TMC3: variants seen among roughly 807,000 people sequenced by gnomAD.
TMC3 encodes transmembrane channel like 3, also known as transmembrane channel-like protein 3.
A neutral mutation model predicts 110.6 loss-of-function variants in TMC3; 98 were observed. That is an observed-to-expected ratio of 0.89 (90% CI 0.75 to 1.05). The LOEUF (loss-of-function observed/expected upper bound fraction) is 1.05. Ranked by LOEUF, TMC3 falls within the 50% of genes least tolerant of loss-of-function variation. The probability of loss-of-function intolerance (pLI) is 0.00; values close to 1 mark genes in which losing one functional copy is unlikely to be tolerated. For missense variants in TMC3, 1,319 were observed against 1,373.2 expected, an observed-to-expected ratio of 0.96 and a Z score of 0.62; for synonymous variants, 489 against 513.1, an observed-to-expected ratio of 0.95 and a Z score of 0.63.
chr15:81,354,806 C>T (rs879795682), intron 9 of TMC3, among the ~76,000 whole-genome samples: 7 of 151,994 alleles, frequency 4.6e-5, no homozygotes, highest in African/African-American at 1.7e-4. Flanking sequence ...GGAAACATTC[C>T]CAAATGAGAA....
In TMC3 at chr15:81,374,134, G is replaced by T; in HGVS notation, c.-57C>A. ...TGGCCAGAGAGCTAGGAAGTTGGCAGGCAAAGGTCTGTTCCGAGGTTTCTG... is the reference window on the plus strand; with the variant it reads ...TGGCCAGAGAGCTAGGAAGTTGGCATGCAAAGGTCTGTTCCGAGGTTTCTG... On this transcript the variant is annotated 5_prime_UTR_variant, in exon 1 of 22. The change creates a new upstream start codon in the 5' untranslated region. Coordinates refer to ENST00000359440, the MANE Select transcript of TMC3 (RefSeq NM_001080532.3). 1.3e-6 allele frequency: 2 copies of T among 1,513,620 alleles called. No individual in the cohort carries two copies. Among genetic ancestry groups the T allele is most frequent in the Admixed American group, 3.5e-5 (2 of 57,254 alleles). 93.8% of individuals were successfully genotyped at this position (1,513,620 alleles called of 1,614,324 possible).
intron 9 of TMC3, among the ~76,000 whole-genome samples, chr15:81,353,581 C>A (rs973396310): frequency 6.6e-6 from 1 of 152,188 alleles, no homozygotes; most frequent in Non-Finnish European, 1.5e-5. Context: ...CATTGTGTTA[C>A]AATTGCCTAC....
chr15:81,343,887 C>A (rs1441909556), intron 14 of TMC3, 30 bp downstream of exon 14: 1 of 1,602,854 alleles, frequency 6.2e-7, no homozygotes, highest in African/African-American at 1.3e-5. Flanking sequence ...GCCATATAAA[C>A]TTTCCCAACA....
chr15:81,342,380 T>C (rs961744362), intron 15 of TMC3, among the ~76,000 whole-genome samples: 10 of 152,232 alleles, frequency 6.6e-5, no homozygotes, highest in African/African-American at 2.4e-4. Flanking sequence ...ACTAAGCTTC[T>C]CTGCACTTCA....
intron 2 of TMC3, among the ~76,000 whole-genome samples, chr15:81,370,278 G>A (rs571058203): frequency 1.1e-4 from 17 of 152,330 alleles, no homozygotes; most frequent in Non-Finnish European, 2.2e-4. Flanking sequence ...TCAGGGTTCC[G>A]TGCTTTTTGC....
At chr15:81,364,935 C>A (rs1894276987) in intron 3 of TMC3, among the ~76,000 whole-genome samples, 1 of 150,476 alleles carries the variant, frequency 6.6e-6, no homozygotes, top group South Asian at 2.1e-4. Context: ...CTGCCATAAA[C>A]CAGGGGCCTA....
At chr15:81,337,609 G>A (rs937725481) in intron 19 of TMC3, 6 of 586,206 alleles carry the variant, frequency 1.0e-5, no homozygotes, top group African/African-American at 3.7e-5. Flanking sequence ...CAGCTGCAAG[G>A]CCTCTTGAGG....
intron 9 of TMC3, among the ~76,000 whole-genome samples, chr15:81,354,967 T>C (rs1461316715): frequency 6.6e-6 from 1 of 152,048 alleles, no homozygotes; most frequent in African/African-American, 2.4e-5. Flanking sequence ...TTCATGAAGT[T>C]CAGGAGCATT....
chr15:81,359,834 T>C (rs1037130666), intron 4 of TMC3, among the ~76,000 whole-genome samples: 2 of 152,244 alleles, frequency 1.3e-5, no homozygotes, highest in Non-Finnish European at 2.9e-5. Flanking sequence ...TTGCACCATT[T>C]TGAGAATTTC....
chr15:81,356,988 G>A (rs759131029), intron 7 of TMC3, among the ~76,000 whole-genome samples: 10 of 152,086 alleles, frequency 6.6e-5, no homozygotes, highest in African/African-American at 1.2e-4. Flanking sequence ...ACTCCACCCC[G>A]TGGGACTCCA....
chr15:81,346,001 T>C (rs905440801), intron 12 of TMC3, among the ~76,000 whole-genome samples: 5 of 152,200 alleles, frequency 3.3e-5, no homozygotes, highest in East Asian at 3.9e-4. Flanking sequence ...TGTCCTGACT[T>C]TCTGAGTGAG....
chr15:81,339,321 G>T, intron 17 of TMC3, 73 bp downstream of exon 17: 1 of 1,134,522 alleles, frequency 8.8e-7, no homozygotes, highest in South Asian at 1.3e-5. Flanking sequence ...GCTTGGAGGA[G>T]AATTCAGTTC....
Position 81,344,853 on chromosome 15 carries a change from A to C in TMC3, c.1431T>G (p.Ala477=). ...TWALEETSIS[A]YTMPLIKANK... The stretch of plus-strand genomic sequence containing the variant: ...TGGCCTTTATAAGAGGCATGGTATA[A>C]GCTGAAATGCTGGTCTCTTCCAAGG... The change falls in exon 13 of 22, where the codon GCT becomes GCG. Residue 477 remains alanine (A), a synonymous_variant. Coordinates refer to ENST00000359440, the MANE Select transcript of TMC3 (RefSeq NM_001080532.3). 6.2e-7 allele frequency: 1 copy of C among 1,613,942 alleles called. No individual in the cohort carries two copies. Among genetic ancestry groups the C allele is most frequent in the Non-Finnish European group, 8.5e-7 (1 of 1,179,886 alleles).
At chr15:81,343,775 G>A in intron 14 of TMC3, 142 bp downstream of exon 14, 1 of 853,462 alleles carries the variant, frequency 1.2e-6, no homozygotes, top group South Asian at 2.3e-5. Flanking sequence ...TAGAAGCTCA[G>A]CTTTCTGCAC....
chr15:81,346,160 C>G (rs1567063789), intron 12 of TMC3, among the ~76,000 whole-genome samples: 1 of 152,220 alleles, frequency 6.6e-6, no homozygotes, highest in Non-Finnish European at 1.5e-5. Flanking sequence ...TAGTCATGCA[C>G]TGTGGCCTGA....
intron 2 of TMC3, among the ~76,000 whole-genome samples, chr15:81,371,492 C>T (rs1171792882): frequency 2.0e-5 from 3 of 152,194 alleles, no homozygotes; most frequent in Non-Finnish European, 2.9e-5. Context: ...GTCCACACTG[C>T]AGGTGCCTGA....
Position 81,374,172 on chromosome 15 carries a change from G to T in TMC3, c.-95C>A. The stretch of plus-strand genomic sequence containing the variant: ...TCCGAGGTTTCTGAATGGAAGCAGC[G>T]GAGTTTGCTCTGCCCGCTAGTTCTC... On this transcript the variant is annotated 5_prime_UTR_variant, in exon 1 of 22. Coordinates refer to ENST00000359440, the MANE Select transcript of TMC3 (RefSeq NM_001080532.3). 1 of 1,126,984 alleles carries T rather than the reference G, an allele frequency of 8.9e-7. No homozygotes were observed. Among genetic ancestry groups the T allele is most frequent in the African/African-American group, 1.5e-5 (1 of 65,256 alleles). The allele number at this position is 1,126,984 out of a possible 1,614,324, so 69.8% of individuals were successfully genotyped here.
chr15:81,373,907 T>C, intron 1 of TMC3, 82 bp downstream of exon 1: 2 of 1,283,660 alleles, frequency 1.6e-6, no homozygotes, highest in Non-Finnish European at 2.2e-6. Context: ...GACAGGGACT[T>C]TGTCCCTCGC....
rs1894460269 is a variant in TMC3, at chr15:81,372,577, A to T, written c.236+14T>A. ...ATGCTTGTAATGATCAATAATGGCC[A>T]TTGAGGCCCTTACCTCAATGCCCTC... On this transcript the variant is annotated intron_variant, in intron 2 of 21. Transcript: ENST00000359440. 1 of 1,612,814 alleles carries T rather than the reference A, an allele frequency of 6.2e-7. No individual in the cohort carries two copies. The highest frequency in any genetic ancestry group is 1.1e-5 in the South Asian group (1 of 91,020).
Sources: allele counts gnomAD v4.1 joint callset (sites outside exome capture counted in the v4.1 genomes callset), GRCh38; gene constraint gnomAD v4.1.1; transcripts MANE v1.5; gene names NCBI Gene and HGNC (gene_info 2026-07-23, HGNC 2026-07-21).